Variants in FAHD1 observed in about 807,000 individuals in gnomAD.
The protein encoded by FAHD1 is FAH domain containing oxaloacetate decarboxylase 1, also known as oxaloacetate tautomerase FAHD1, mitochondrial.
FAHD1 carries 14 observed loss-of-function variants against 12.7 expected under a neutral mutation model. That is an observed-to-expected ratio of 1.10 (90% confidence interval 0.73 to 1.72). The LOEUF is 1.72. Among genes scored for constraint, FAHD1 ranks in the 40% most tolerant of loss-of-function variants. The pLI, the probability that FAHD1 is intolerant of heterozygous loss-of-function variation, is 0.00. For missense variants in FAHD1, 351 were observed against 298.9 expected (o/e 1.17, Z -1.29); for synonymous variants, 153 against 124.9 (o/e 1.22, Z -1.50).
chr16:1,827,977 C>G (rs1175290585), exon 1 of FAHD1: 30 of 1,550,586 alleles, frequency 1.9e-5, no homozygotes, highest in Non-Finnish European at 2.2e-5. Flanking sequence ...ATGTCACAAT[C>G]CTTTAATTAG....
downstream of FAHD1, among the ~76,000 whole-genome samples, chr16:1,832,385 A>G (rs1898637961): frequency 6.6e-6 from 1 of 150,658 alleles, no homozygotes; most frequent in South Asian, 2.1e-4. Flanking sequence ...GTTAGCCAGG[A>G]TGGTCTACAT....
chr16:1,830,943 CA>C (rs1454693117), downstream of FAHD1, among the ~76,000 whole-genome samples: 4 of 131,352 alleles, frequency 3.0e-5, no homozygotes, highest in East Asian at 4.4e-4. Context: ...CACACACACA[CA>C]CCCATATTTT....
chr16:1,829,441 C>T (rs934075754), downstream of FAHD1, among the ~76,000 whole-genome samples: 2 of 152,170 alleles, frequency 1.3e-5, no homozygotes, highest in African/African-American at 4.8e-5. Flanking sequence ...GCTAAAGTCA[C>T]TCAGCTTAGT....
chr16:1,836,326 G>A (rs974087839), intron 1 of FAHD1, among the ~76,000 whole-genome samples: 3 of 152,202 alleles, frequency 2.0e-5, no homozygotes, highest in Non-Finnish European at 2.9e-5. Context: ...CTGGGAAAGT[G>A]CAGTATCCAC....
chr16:1,828,034 C>T, exon 1 of FAHD1: 1 of 1,459,824 alleles, frequency 6.9e-7, no homozygotes, highest in Non-Finnish European at 9.0e-7. Flanking sequence ...GTAATCGCAG[C>T]ACTTTGGGAG....
downstream of FAHD1, chr16:1,828,995 G>A: frequency 1.1e-6 from 1 of 878,004 alleles, no homozygotes; most frequent in Non-Finnish European, 1.4e-6. Flanking sequence ...CTTAGTCTTT[G>A]ACCTTTGGCC....
At position 1,837,001 on chromosome 16, in the gene FAHD1, C is replaced by T. The variant is rs374907033; in HGVS notation, c.628-1015C>T. Among the ~76,000 whole-genome samples the T allele has an allele frequency of 3.2e-4, 48 of 152,228 alleles. No homozygotes were observed. The Middle Eastern group carries it at 0.017, about 54-fold the overall frequency. ...CAACTAGGCTGGCTGGGTCCAGTCT[C>T]ACCTGTGACCCAGTGCAAGTGGCAA... On this transcript the variant is annotated intron_variant, in intron 1 of 2. Transcript: ENST00000382666.
intron 1 of FAHD1, chr16:1,834,225 A>G (rs1175920301): frequency 2.5e-6 from 3 of 1,182,714 alleles, no homozygotes; most frequent in Non-Finnish European, 3.8e-6. Flanking sequence ...AAACTCTTAT[A>G]CTTTTCCAGA....
chr16:1,832,180 T>TTTTTTG (rs1555470277), downstream of FAHD1, among the ~76,000 whole-genome samples: 1 of 80,114 alleles, frequency 1.2e-5, no homozygotes, highest in East Asian at 3.3e-4. Context: ...TGGTCATTCT[T>TTTTTTG]TTTTTTTTTT....
chr16:1,836,868 G>A (rs1419597834), intron 1 of FAHD1, among the ~76,000 whole-genome samples: 2 of 152,186 alleles, frequency 1.3e-5, no homozygotes, highest in Non-Finnish European at 2.9e-5. Context: ...AATTTTTTCA[G>A]TATTAAGCTG....
chr16:1,835,204 G>A (rs1391411904), intron 1 of FAHD1, among the ~76,000 whole-genome samples: 1 of 151,918 alleles, frequency 6.6e-6, no homozygotes, highest in Non-Finnish European at 1.5e-5. Flanking sequence ...GCAGTAAGCT[G>A]TGATCGCACC....
At chr16:1,837,843 C>G (rs1233167185) in intron 1 of FAHD1, 10 of 1,533,954 alleles carry the variant, frequency 6.5e-6, no homozygotes, top group Non-Finnish European at 8.8e-6. Context: ...GTTTTCTGTT[C>G]ATCTGTCATT....
chr16:1,839,420 A>C lies in FAHD1; in HGVS notation c.*167A>C, dbSNP rs143531383. On this transcript the variant is annotated 3_prime_UTR_variant, in exon 3 of 3. Coordinates refer to the FAHD1 transcript ENST00000382666. ...TGCACATGTTAGATGCTTCATTTAC[A>C]ATATAACCACAGCTGGAACTGAAAA... 8.4e-4 allele frequency: 1,347 copies of C among 1,612,038 alleles called. 3 individuals are homozygous for C. Among genetic ancestry groups the C allele is most frequent in the Non-Finnish European group, 7.4e-4 (870 of 1,179,290 alleles).
intron 1 of FAHD1, chr16:1,834,450 A>G (rs1898685488): frequency 1.4e-6 from 1 of 716,272 alleles, no homozygotes; most frequent in South Asian, 1.7e-5. Context: ...ATGATCACGA[A>G]TAGAGAACTG....
exon 3 of FAHD1, chr16:1,840,049 C>T (rs1271120283): frequency 6.6e-6 from 1 of 152,154 alleles, no homozygotes; most frequent in Non-Finnish European, 1.5e-5. Flanking sequence ...CTGAAGCAAG[C>T]CTTACTTTAG....
Position 1,827,372 on chromosome 16 carries a change from C to T in FAHD1, c.134C>T (p.Pro45Leu), listed in dbSNP as rs144580262. Residue 45 changes from proline (P) to leucine (L), a missense_variant, in exon 1 of 1, where the codon CCG (proline) becomes CTG (leucine). Physicochemically the swap from Pro to Leu is moderately conservative, Grantham distance 98 (BLOSUM62 -3). Coordinates refer to ENST00000427358, the Ensembl canonical transcript of FAHD1. ...AGCGAGCCCGTGCTGTTCCTGAAGC[C>T]GTCCACGGCCTACGCGCCCGAGGGC... is the stretch of plus-strand genomic sequence containing the variant. 1.5e-5 allele frequency: 24 copies of T among 1,612,542 alleles called. No individual in the cohort carries two copies. The African/African-American group carries it at 1.7e-4, about 12-fold the overall frequency.
chr16:1,827,908 AT>A, exon 1 of FAHD1: 1 of 1,609,800 alleles, frequency 6.2e-7, no homozygotes, highest in Non-Finnish European at 8.5e-7. Flanking sequence ...ATATTGAGTT[AT>A]TTCTTAACAA....
chr16:1,829,322 A>T (rs1179215711), downstream of FAHD1, among the ~76,000 whole-genome samples: 1 of 152,198 alleles, frequency 6.6e-6, no homozygotes, highest in African/African-American at 2.4e-5. Context: ...CAAGCAGTTT[A>T]TTCTGTATTT....
exon 1 of FAHD1, chr16:1,828,210 G>A (rs936644965): frequency 5.1e-5 from 47 of 920,418 alleles, no homozygotes; most frequent in Admixed American, 3.8e-4. Flanking sequence ...GAACCCGGGA[G>A]GCGGAGCTTA....
Sources: allele counts gnomAD v4.1 joint callset (sites outside exome capture counted in the v4.1 genomes callset), GRCh38; gene constraint gnomAD v4.1.1; transcripts MANE v1.5; gene names NCBI Gene and HGNC (gene_info 2026-07-23, HGNC 2026-07-21).